ERCC1: variants seen among roughly 807,000 people sequenced by gnomAD.
ERCC1 encodes ERCC excision repair 1, endonuclease non-catalytic subunit, also known as DNA excision repair protein ERCC-1.
Under a neutral mutation model 37.6 loss-of-function variants are expected in ERCC1, and 36 were observed. The observed-to-expected ratio is 0.96, with a 90% CI of 0.73 to 1.26. The LOEUF is 1.26. Among genes scored for constraint, ERCC1 ranks in the 50% most tolerant of loss-of-function variants. The pLI is 0.00. For synonymous variants in ERCC1, 156 were observed against 162.1 expected (o/e 0.96, Z 0.28); for missense variants, 349 against 376.5 (o/e 0.93, Z 0.60).
upstream of ERCC1, among the ~76,000 whole-genome samples, chr19:45,425,523 G>A (rs1364038473): frequency 6.6e-6 from 1 of 151,388 alleles, no homozygotes; most frequent in East Asian, 2.0e-4. Flanking sequence ...CAAGTAGCTG[G>A]GATTACAGGC....
chr19:45,419,002 G>A, intron 5 of ERCC1, 96 bp downstream of exon 5: 2 of 845,616 alleles, frequency 2.4e-6, no homozygotes, highest in Non-Finnish European at 2.0e-6. Flanking sequence ...GTTCCTCGCT[G>A]AGGTTTTAGC....
rs765064943 is a variant in ERCC1 at position 45,408,115 on chromosome 19, C to G, written c.*1560G>C. 6.3e-7 allele frequency: 1 copy of G among 1,575,510 alleles called. No individual in the cohort carries two copies. The highest frequency in any genetic ancestry group is 8.6e-7 in the Non-Finnish European group (1 of 1,156,202). On this transcript the variant is annotated 3_prime_UTR_variant, in exon 10 of 10. Coordinates refer to ENST00000300853, the MANE Select transcript of ERCC1 (RefSeq NM_001983.4). Reference sequence around the variant, plus strand: ...CCTGTTCCACTTAAGCCTCTGCCCTCCCTGTTTCTCTCTGTAGCTTCAATG... The same window carrying G: ...CCTGTTCCACTTAAGCCTCTGCCCTGCCTGTTTCTCTCTGTAGCTTCAATG...
chr19:45,432,283 T>TTTATTATTATTA (rs35170597), intron 1 of ERCC1, among the ~76,000 whole-genome samples: 23 of 145,976 alleles, frequency 1.6e-4, no homozygotes, highest in African/African-American at 5.8e-4. Context: ...ACAAAATTAA[T>TTTATTATTATTA]TTATTATTAT....
chr19:45,437,219 G>A (rs999974357), intron 1 of ERCC1, among the ~76,000 whole-genome samples: 3 of 151,866 alleles, frequency 2.0e-5, no homozygotes, highest in Non-Finnish European at 2.9e-5. Context: ...ACTGCACTTC[G>A]GCCTGGGCGA....
intron 1 of ERCC1, among the ~76,000 whole-genome samples, chr19:45,429,815 C>T (rs530733750): frequency 6.6e-6 from 1 of 152,198 alleles, no homozygotes; most frequent in East Asian, 1.9e-4. Context: ...GACAGAGTCT[C>T]GCTCTGTCAC....
At chr19:45,431,243 G>A (rs567910941) in intron 1 of ERCC1, among the ~76,000 whole-genome samples, 5 of 152,196 alleles carry the variant, frequency 3.3e-5, no homozygotes, top group Non-Finnish European at 7.3e-5. Flanking sequence ...TAAGCCTGAC[G>A]TGAAAGTGAT....
At chr19:45,413,790 C>A in intron 8 of ERCC1, 45 bp from the exon 9 acceptor site, 1 of 1,610,990 alleles carries the variant, frequency 6.2e-7, no homozygotes, top group Non-Finnish European at 8.5e-7. Context: ...GCACAAAAGC[C>A]TCCCCTGTCC....
At chr19:45,416,637 CAAAAA>C (rs376893204) in intron 6 of ERCC1, 179 bp downstream of exon 6, 136 of 486,174 alleles carry the variant, frequency 2.8e-4, no homozygotes, top group East Asian at 3.4e-4. Flanking sequence ...GGCTCTGTAT[CAAAAA>C]AAAAAAAAAA....
chr19:45,421,401 G>T lies in ERCC1; in HGVS notation c.106-8C>A. 6.4e-7 allele frequency: 1 copy of T among 1,574,062 alleles called. No homozygotes were observed. Among genetic ancestry groups the T allele is most frequent in the South Asian group, 1.1e-5 (1 of 89,580 alleles). The stretch of plus-strand genomic sequence containing the variant: ...TCGGAATAAGGGCTTGGCCTGTGGG[G>T]AGAAAGGGAGTTTGCAGGGGACTGG... On this transcript the variant is annotated splice_polypyrimidine_tract_variant and splice_region_variant and intron_variant, in intron 2 of 9. Transcript: ENST00000300853.
Position 45,413,884 on chromosome 19 carries a change from T to C in ERCC1, c.774+79A>G, listed in dbSNP as rs574282016. 55 of 1,568,020 alleles carry C rather than the reference T, an allele frequency of 3.5e-5. No homozygotes were observed. The African/African-American group carries it at 6.2e-4, about 18-fold the overall frequency. Reference sequence around the variant, plus strand: ...GACGGGCAAGGGGTGGGCAGGGAGATGGAAGGAAATGGGTGACAGGCTTTC... The same window carrying C: ...GACGGGCAAGGGGTGGGCAGGGAGACGGAAGGAAATGGGTGACAGGCTTTC... On this transcript the variant is annotated intron_variant, in intron 8 of 9. Coordinates refer to ENST00000300853, the MANE Select transcript of ERCC1 (RefSeq NM_001983.4).
chr19:45,433,663 G>A (rs949192439), intron 1 of ERCC1, among the ~76,000 whole-genome samples: 1 of 151,488 alleles, frequency 6.6e-6, no homozygotes, highest in African/African-American at 2.4e-5. Flanking sequence ...ACACCAGCCT[G>A]GGTGACAGAG....
chr19:45,426,650 C>T (rs183856308), upstream of ERCC1, among the ~76,000 whole-genome samples: 248 of 151,882 alleles, frequency 1.6e-3, 1 homozygote, highest in African/African-American at 5.8e-3. Context: ...TTTCTTTTCA[C>T]CCTAACAATT....
intron 2 of ERCC1, 111 bp from the exon 3 acceptor site, chr19:45,421,504 C>T (rs1974426515): frequency 1.3e-6 from 1 of 749,726 alleles, no homozygotes; most frequent in African/African-American, 1.8e-5. Context: ...CAGTCTTGCT[C>T]TGTCACCCAG....
Position 45,408,562 on chromosome 19 carries a change from G to A in ERCC1, c.*1113C>T. 6.2e-7 allele frequency: 1 copy of A among 1,614,044 alleles called. No individual in the cohort carries two copies. Among genetic ancestry groups the A allele is most frequent in the Non-Finnish European group, 8.5e-7 (1 of 1,180,030 alleles). Reference sequence around the variant, plus strand: ...CAGTGAATGGGCACGGGGCCCTGGAGGTGGACATGGCTTTGGGGTCGCCAG... The same window carrying A: ...CAGTGAATGGGCACGGGGCCCTGGAAGTGGACATGGCTTTGGGGTCGCCAG... On this transcript the variant is annotated 3_prime_UTR_variant, in exon 10 of 10. Coordinates refer to ENST00000300853, the MANE Select transcript of ERCC1 (RefSeq NM_001983.4).
Position 45,421,370 on chromosome 19 carries a change from T to C in ERCC1, c.129A>G (p.Thr43=), listed in dbSNP as rs199769934. The C allele has an allele frequency of 6.2e-7, 1 of 1,612,552 alleles. No homozygotes were observed. The highest frequency in any genetic ancestry group is 2.2e-5 in the East Asian group (1 of 44,820). The change falls in exon 3 of 10, where the codon ACA becomes ACG. Residue 43 remains threonine (T), a synonymous_variant. Transcript: ENST00000300853. The part of the protein sequence containing the change: ...PGVAKPLFRS[T]QSLPTVDTSA... ...AGGTGTCCACAGTGGGAAGGCTCTGTGTAGATCGGAATAAGGGCTTGGCCT... is the reference window on the plus strand; with the variant it reads ...AGGTGTCCACAGTGGGAAGGCTCTGCGTAGATCGGAATAAGGGCTTGGCCT...
Position 45,408,196 on chromosome 19 carries a change from G to C in ERCC1, c.*1479C>G. 2 of 1,613,508 alleles carry C rather than the reference G, an allele frequency of 1.2e-6. No individual in the cohort carries two copies. Among genetic ancestry groups the C allele is most frequent in the Non-Finnish European group, 1.7e-6 (2 of 1,179,568 alleles). The stretch of plus-strand genomic sequence containing the variant: ...TCGTCAAGGGCAAATTGGCAGGCAA[G>C]CGGCACCGCTATCGAGTCCTCAGCA... On this transcript the variant is annotated 3_prime_UTR_variant, in exon 10 of 10. Coordinates refer to ENST00000300853, the MANE Select transcript of ERCC1 (RefSeq NM_001983.4).
At chr19:45,421,040 C>CGAATGAAT (rs3212949) in intron 3 of ERCC1, 138 bp downstream of exon 3, 38 of 773,772 alleles carry the variant, frequency 4.9e-5, no homozygotes, top group East Asian at 4.5e-4. Flanking sequence ...ACACTGCTGT[C>CGAATGAAT]GAATGAATGA....
At chr19:45,435,141 A>G (rs1477855107) in intron 1 of ERCC1, among the ~76,000 whole-genome samples, 1 of 150,534 alleles carries the variant, frequency 6.6e-6, no homozygotes, top group East Asian at 2.0e-4. Context: ...CTGGTCTCAG[A>G]CTCCTGACTT....
intron 1 of ERCC1, among the ~76,000 whole-genome samples, chr19:45,436,397 C>G (rs891493323): frequency 6.6e-6 from 1 of 151,818 alleles, no homozygotes; most frequent in East Asian, 1.9e-4. Flanking sequence ...GAGGCCGAGG[C>G]GGGCGGATCA....
Sources: gnomAD v4.1 joint callset for allele counts (sites outside exome capture counted in the v4.1 genomes callset) on GRCh38, gnomAD v4.1.1 for gene constraint, MANE v1.5 for transcripts, NCBI Gene and HGNC (gene_info 2026-07-23, HGNC 2026-07-21) for gene names.